Variants in CEP135 observed in about 807,000 individuals in gnomAD.
CEP135 encodes centrosomal protein of 135 kDa.
In CEP135, 142 loss-of-function variants were observed where a neutral mutation model predicts 157.3. That is an observed-to-expected ratio of 0.90 (90% CI 0.79 to 1.04). The LOEUF (loss-of-function observed/expected upper bound fraction) is 1.04, where lower values mean the gene tolerates loss of function less well. Among genes scored for constraint, CEP135 ranks in the 50% least tolerant of loss-of-function variants. The probability of loss-of-function intolerance (pLI) is 0.00; values close to 1 mark genes in which losing one functional copy is unlikely to be tolerated. For synonymous variants in CEP135, 396 were observed against 439.8 expected, an observed-to-expected ratio of 0.90 and a Z score of 1.25; for missense variants, 1,317 against 1,309.2, an observed-to-expected ratio of 1.01 and a Z score of -0.09.
chr4:55,968,659 T>C (rs1465741389), intron 8 of CEP135, among the ~76,000 whole-genome samples: 1 of 152,184 alleles, frequency 6.6e-6, no homozygotes, highest in Non-Finnish European at 1.5e-5. Flanking sequence ...AATGTTCCTA[T>C]TGGGTCATAA....
chr4:55,975,162 A>C (rs2109675239), intron 11 of CEP135, among the ~76,000 whole-genome samples, 193 bp downstream of exon 11: 1 of 152,366 alleles, frequency 6.6e-6, no homozygotes, highest in Non-Finnish European at 1.5e-5. Context: ...AAACTATAAC[A>C]TATAGATGAC....
chr4:55,964,257 C>T lies in CEP135; in HGVS notation c.700-17C>T. ...AAAACCAGATTTTTTAAAATGACAG[C>T]ATGACTATATCTTCAGATTGAGCTA... On this transcript the variant is annotated splice_polypyrimidine_tract_variant and intron_variant, in intron 6 of 25. Coordinates refer to ENST00000257287, the MANE Select transcript of CEP135 (RefSeq NM_025009.5). The T allele has an allele frequency of 4.4e-6, 7 of 1,587,190 alleles. 1 individual carries two copies. The highest frequency in any genetic ancestry group is 3.4e-4 in the Middle Eastern group (2 of 5,884).
At chr4:55,987,896 G>GAT (rs373400517) in intron 14 of CEP135, among the ~76,000 whole-genome samples, 1 of 152,106 alleles carries the variant, frequency 6.6e-6, no homozygotes, top group African/African-American at 2.4e-5. Flanking sequence ...TATTTGAAGA[G>GAT]ATAATGATTG....
At chr4:55,996,916 A>G (rs981027448) in intron 15 of CEP135, among the ~76,000 whole-genome samples, 1 of 152,182 alleles carries the variant, frequency 6.6e-6, no homozygotes, top group African/African-American at 2.4e-5. Flanking sequence ...AGCTCCATGT[A>G]ATACAATATA....
At chr4:55,952,048 C>A (rs1728374211) in intron 1 of CEP135, 38 bp from the exon 2 acceptor site, 1 of 646,418 alleles carries the variant, frequency 1.5e-6, no homozygotes, top group Admixed American at 2.5e-5. Flanking sequence ...ACAATCATAG[C>A]TATAATAAGA....
intron 4 of CEP135, among the ~76,000 whole-genome samples, chr4:55,957,021 C>A (rs1728529538): frequency 6.6e-6 from 1 of 152,094 alleles, no homozygotes; most frequent in Admixed American, 6.5e-5. Flanking sequence ...TGTTTGATAA[C>A]CATGTCTTGT....
At chr4:56,009,262 C>T (rs544566409) in intron 18 of CEP135, among the ~76,000 whole-genome samples, 39 of 152,146 alleles carry the variant, frequency 2.6e-4, no homozygotes, top group South Asian at 1.5e-3. Context: ...CCCGGGTTCA[C>T]GCCATTTTCC....
intron 17 of CEP135, among the ~76,000 whole-genome samples, chr4:56,004,502 G>T (rs1477272669): frequency 1.3e-5 from 2 of 152,196 alleles, no homozygotes; most frequent in African/African-American, 4.8e-5. Flanking sequence ...TGATAGTGGG[G>T]TGGTGAAGTC....
At chr4:55,997,024 T>C (rs904403296) in intron 15 of CEP135, among the ~76,000 whole-genome samples, 5 of 152,222 alleles carry the variant, frequency 3.3e-5, no homozygotes, top group Admixed American at 1.3e-4. Context: ...CTTCACTCTC[T>C]GGTGAGAAGT....
intron 15 of CEP135, among the ~76,000 whole-genome samples, chr4:55,996,455 G>A (rs762054790): frequency 1.3e-5 from 2 of 152,180 alleles, no homozygotes; most frequent in Middle Eastern, 3.4e-3. Flanking sequence ...TTTCTACCAG[G>A]ACAGGAAGAG....
chr4:55,968,518 A>C (rs564077762), intron 8 of CEP135, among the ~76,000 whole-genome samples: 1 of 152,240 alleles, frequency 6.6e-6, no homozygotes, highest in Admixed American at 6.5e-5. Context: ...GTTTCATTAC[A>C]ACACTCCTAT....
intron 17 of CEP135, among the ~76,000 whole-genome samples, chr4:56,004,707 T>G (rs1730291242): frequency 2.0e-5 from 3 of 152,214 alleles, no homozygotes; most frequent in Admixed American, 2.0e-4. Context: ...CTACTTTATC[T>G]GATATAAGTA....
intron 6 of CEP135, 173 bp downstream of exon 6, chr4:55,959,939 C>T (rs1728628881): frequency 4.7e-6 from 3 of 634,478 alleles, no homozygotes; most frequent in South Asian, 2.0e-5. Flanking sequence ...GCTTTACTTA[C>T]TTAGCCTGTC....
chr4:56,029,607 A>G (rs1046820239), intron 25 of CEP135, among the ~76,000 whole-genome samples: 5 of 152,208 alleles, frequency 3.3e-5, no homozygotes, highest in African/African-American at 1.2e-4. Context: ...CATAGAATGT[A>G]TGTACTTACA....
At chr4:55,965,901 TCTC>T (rs760202480) in intron 8 of CEP135, 42 bp downstream of exon 8, 13 of 1,488,204 alleles carry the variant, frequency 8.7e-6, no homozygotes, top group East Asian at 6.9e-5. Flanking sequence ...GTTCATTAAT[TCTC>T]CTAGCACACG....
intron 23 of CEP135, among the ~76,000 whole-genome samples, chr4:56,020,200 G>A (rs1730927198): frequency 6.6e-6 from 1 of 152,138 alleles, no homozygotes; most frequent in Non-Finnish European, 1.5e-5. Flanking sequence ...ACTCTAAAAA[G>A]GCTATGAGAT....
chr4:55,981,348 C>A lies in CEP135; in HGVS notation c.1748C>A (p.Ala583Glu). ...TTATCTGACTTAAGAAGAATTATGG[C>A]AGAAAAGGAAGCTTTAAGAGAAAAA... ...LALSDLRRIM[A>E]EKEALREKLE... The change falls in exon 13 of 26, where the codon GCA becomes GAA. Residue 583 changes from alanine (A) to glutamate (E), a missense_variant. Transcript: ENST00000257287. 3 of 1,580,710 alleles carry A rather than the reference C, an allele frequency of 1.9e-6. No individual in the cohort carries two copies. Among genetic ancestry groups the A allele is most frequent in the South Asian group, 1.2e-5 (1 of 83,566 alleles).
rs1728816933 is a variant in CEP135, at chr4:55,965,638, A to G, written c.829-6A>G. ...ATATACCTCATAAATTACAACTCCA[A>G]TTTAGGTTGACTTTCTTCAGCAAGC... is the stretch of plus-strand genomic sequence containing the variant. On this transcript the variant is annotated splice_region_variant and splice_polypyrimidine_tract_variant and intron_variant, in intron 7 of 25. Transcript: ENST00000257287. 3.8e-6 allele frequency: 6 copies of G among 1,596,984 alleles called. No homozygotes were observed. The highest frequency in any genetic ancestry group is 4.5e-5 in the East Asian group (2 of 44,684).
chr4:56,024,111 G>C (rs1439055932), intron 24 of CEP135, among the ~76,000 whole-genome samples: 2 of 141,976 alleles, frequency 1.4e-5, no homozygotes, highest in Middle Eastern at 5.6e-3. Context: ...ATATGGTATA[G>C]TATATAGTAT....
Sources: gnomAD v4.1 joint callset for allele counts (sites outside exome capture counted in the v4.1 genomes callset) on GRCh38, gnomAD v4.1.1 for gene constraint, MANE v1.5 for transcripts, NCBI Gene and HGNC (gene_info 2026-07-23, HGNC 2026-07-21) for gene names.